Variants in GRIP1 observed in about 807,000 individuals in gnomAD.
GRIP1 encodes the protein glutamate receptor interacting protein 1.
In GRIP1, 45 loss-of-function variants were observed where a neutral mutation model predicts 129.9. That is an observed-to-expected ratio of 0.35 (90% CI 0.27 to 0.44). The LOEUF is 0.44. GRIP1 is among the 20% of genes least tolerant of loss of function. The pLI is 1.00. For synonymous variants in GRIP1, 530 were observed against 520.8 expected, an observed-to-expected ratio of 1.02 and a Z score of -0.24; for missense variants, 1,196 against 1,396.8, an observed-to-expected ratio of 0.86 and a Z score of 2.29.
chr12:66,695,595 C>T (rs1207395569), intron 1 of GRIP1, among the ~76,000 whole-genome samples: 1 of 152,150 alleles, frequency 6.6e-6, no homozygotes, highest in East Asian at 1.9e-4. Flanking sequence ...AGTGTTGTTG[C>T]TAGCTGAAAG....
chr12:66,727,376 A>T (rs1183643027), intron 1 of GRIP1, among the ~76,000 whole-genome samples: 1 of 152,206 alleles, frequency 6.6e-6, no homozygotes, highest in Non-Finnish European at 1.5e-5. Context: ...TGAGGTCTTA[A>T]AAGGCATCAC....
chr12:66,782,386 T>G (rs2038190075), intron 1 of GRIP1, among the ~76,000 whole-genome samples: 1 of 152,196 alleles, frequency 6.6e-6, no homozygotes, highest in Non-Finnish European at 1.5e-5. Flanking sequence ...CTTAACACCT[T>G]TCTCTGGAAC....
At chr12:67,011,573 A>T (rs1358672511) in intron 1 of GRIP1, among the ~76,000 whole-genome samples, 1 of 150,100 alleles carries the variant, frequency 6.7e-6, no homozygotes, top group Non-Finnish European at 1.5e-5. Context: ...CATGCAGGTC[A>T]TCCCTCTGCA....
At chr12:66,481,227 CA>C (rs79786837) in intron 7 of GRIP1, among the ~76,000 whole-genome samples, 33,167 of 121,040 alleles carry the variant, frequency 0.27, 4,198 homozygotes, top group African/African-American at 0.4. Flanking sequence ...CTAGAATCTA[CA>C]AAAAAAAAAA....
chr12:66,970,466 A>G (rs1477711714), intron 1 of GRIP1, among the ~76,000 whole-genome samples: 1 of 151,746 alleles, frequency 6.6e-6, no homozygotes, highest in African/African-American at 2.4e-5. Context: ...CTTGAGGCTT[A>G]TCTGTCTAAG....
intron 4 of GRIP1, among the ~76,000 whole-genome samples, chr12:66,536,057 C>T (rs2061595506): frequency 1.3e-5 from 2 of 152,130 alleles, no homozygotes; most frequent in South Asian, 2.1e-4. Flanking sequence ...TGCTCAAAAC[C>T]TTGGGGTTAA....
At chr12:66,895,699 G>A (rs1025195425) in intron 1 of GRIP1, among the ~76,000 whole-genome samples, 3 of 152,138 alleles carry the variant, frequency 2.0e-5, no homozygotes, top group Non-Finnish European at 4.4e-5. Context: ...AAAGCTGGCC[G>A]CAGACCCACC....
At chr12:66,526,712 C>T (rs1288661987) in intron 5 of GRIP1, among the ~76,000 whole-genome samples, 1 of 151,482 alleles carries the variant, frequency 6.6e-6, no homozygotes, top group Non-Finnish European at 1.5e-5. Flanking sequence ...TTCTGCACAG[C>T]AAAAGAAACT....
At chr12:66,480,048 T>C (rs868053410) in intron 7 of GRIP1, among the ~76,000 whole-genome samples, 1 of 152,042 alleles carries the variant, frequency 6.6e-6, no homozygotes, top group East Asian at 1.9e-4. Flanking sequence ...CTATTCAACA[T>C]AGTATTGGAA....
chr12:66,750,230 T>C (rs777287177), intron 1 of GRIP1, among the ~76,000 whole-genome samples: 4 of 152,072 alleles, frequency 2.6e-5, no homozygotes, highest in Non-Finnish European at 4.4e-5. Flanking sequence ...ATGGCATGAG[T>C]TTAAAAAACA....
At chr12:66,895,712 T>C (rs1272104931) in intron 1 of GRIP1, among the ~76,000 whole-genome samples, 1 of 152,188 alleles carries the variant, frequency 6.6e-6, no homozygotes, top group African/African-American at 2.4e-5. Context: ...GACCCACCAC[T>C]ACCTCCTGCA....
rs188262695 is a variant in GRIP1 at position 66,937,197 on chromosome 12, A to C, written c.58+131853T>G. Among the ~76,000 whole-genome samples the C allele has an allele frequency of 2.4e-4, 36 of 152,120 alleles. No individual in the cohort carries two copies. In the East Asian group the frequency reaches 4.1e-3, roughly 17 times the overall value. On this transcript the variant is annotated intron_variant, in intron 1 of 1. Transcript: ENST00000643019. Reference sequence around the variant, plus strand: ...CTAACTTCCTCCAGTGCTGTGCATAAATGTCATTTCTCTGCTGATCCTTGT... The same window carrying C: ...CTAACTTCCTCCAGTGCTGTGCATACATGTCATTTCTCTGCTGATCCTTGT...
At position 66,832,512 on chromosome 12, in the gene GRIP1, T is replaced by C. The variant is rs1377388485; in HGVS notation, c.59-235585A>G. 2.0e-5 allele frequency among the ~76,000 whole-genome samples: 3 copies of C among 147,778 alleles called. No homozygotes were observed. In the East Asian group the frequency reaches 6.7e-4, roughly 33 times the overall value. ...CTCAACTTAAAAACTGGATTTTTTG[T>C]TTATGAGAAAAAAAAATACTCTGCT... On this transcript the variant is annotated intron_variant, in intron 1 of 1. Coordinates refer to the GRIP1 transcript ENST00000643019.
chr12:66,891,854 C>G (rs1449235144), intron 1 of GRIP1: 2 of 152,198 alleles, frequency 1.3e-5, no homozygotes, highest in African/African-American at 2.4e-5. Flanking sequence ...GAAAATTCCA[C>G]CATGTTTCCT....
At chr12:67,055,360 C>A (rs761572594) in intron 1 of GRIP1, among the ~76,000 whole-genome samples, 4 of 145,646 alleles carry the variant, frequency 2.7e-5, no homozygotes, top group Non-Finnish European at 5.9e-5. Flanking sequence ...AAGAGTACAC[C>A]GTTAGGCTTC....
intron 1 of GRIP1, among the ~76,000 whole-genome samples, chr12:66,632,551 C>T (rs1238825700): frequency 1.3e-5 from 2 of 152,134 alleles, no homozygotes; most frequent in Non-Finnish European, 1.5e-5. Flanking sequence ...CCAGTGAGAA[C>T]CAAATTCCAT....
chr12:66,906,229 G>A lies in GRIP1; in HGVS notation c.58+162821C>T, dbSNP rs189083866. On this transcript the variant is annotated intron_variant, in intron 1 of 1. Coordinates refer to the GRIP1 transcript ENST00000643019. Reference sequence around the variant, plus strand: ...GCTTGAGGCCAGGAATTCAAGACCAGCCTGGGCAACATAGCAAGACCTCAT... The same window carrying A: ...GCTTGAGGCCAGGAATTCAAGACCAACCTGGGCAACATAGCAAGACCTCAT... 4.8e-3 allele frequency among the ~76,000 whole-genome samples: 737 copies of A among 152,068 alleles called. 3 individuals are homozygous for A. The highest frequency in any genetic ancestry group is 8.3e-3 in the Non-Finnish European group (565 of 67,976).
At chr12:66,574,200 A>G (rs12426601) in intron 2 of GRIP1, among the ~76,000 whole-genome samples, 37,279 of 152,118 alleles carry the variant, frequency 0.25, 4,706 homozygotes, top group Admixed American at 0.28. Context: ...CCCCCCACCC[A>G]CCCAAGATAT....
intron 1 of GRIP1, among the ~76,000 whole-genome samples, chr12:66,795,964 T>C (rs2038683476): frequency 6.6e-6 from 1 of 152,164 alleles, no homozygotes; most frequent in African/African-American, 2.4e-5. Context: ...GTAAGTGTAC[T>C]TTTAGCTTAA....
Sources: allele counts gnomAD v4.1 joint callset (sites outside exome capture counted in the v4.1 genomes callset), GRCh38; gene constraint gnomAD v4.1.1; transcripts MANE v1.5; gene names NCBI Gene and HGNC (gene_info 2026-07-23, HGNC 2026-07-21).